The following TRPM3 variants were observed in gnomAD, a reference collection of about 807,000 sequenced individuals.
TRPM3 encodes transient receptor potential cation channel subfamily M member 3.
TRPM3 carries 77 observed loss-of-function variants against 181.2 expected under a neutral mutation model. The ratio of observed to expected loss-of-function variants is 0.42; its 90% CI spans 0.35 to 0.51. The LOEUF is 0.51. TRPM3 is among the 20% of genes least tolerant of loss of function. TRPM3 has a pLI of 0.01. For synonymous variants in TRPM3, 745 were observed against 796.4 expected (o/e 0.94, Z 1.09); for missense variants, 1,759 against 2,196.7 (o/e 0.80, Z 3.98).
chr9:71,223,023 C>A (rs1428399681), intron 1 of TRPM3, among the ~76,000 whole-genome samples: 1 of 151,894 alleles, frequency 6.6e-6, no homozygotes, highest in Non-Finnish European at 1.5e-5. Flanking sequence ...GGCTCAGAGC[C>A]AGTGGACTTG....
chr9:71,141,386 G>C (rs959334686), intron 1 of TRPM3, among the ~76,000 whole-genome samples: 1 of 152,206 alleles, frequency 6.6e-6, no homozygotes, highest in South Asian at 2.1e-4. Context: ...GGATTTTAGT[G>C]TTCAAAAACC....
At chr9:71,016,083 T>C (rs959690114) in intron 1 of TRPM3, among the ~76,000 whole-genome samples, 1 of 149,128 alleles carries the variant, frequency 6.7e-6, no homozygotes, top group Admixed American at 6.7e-5. Context: ...TAGTCCCAGC[T>C]ACTTGTGAGG....
intron 1 of TRPM3, among the ~76,000 whole-genome samples, chr9:70,958,469 C>T (rs1291621542): frequency 1.3e-5 from 2 of 152,022 alleles, no homozygotes; most frequent in Admixed American, 6.6e-5. Context: ...TAATGATTGC[C>T]ATTCTAACTG....
At chr9:71,051,580 G>A (rs1161305668) in intron 1 of TRPM3, among the ~76,000 whole-genome samples, 1 of 152,052 alleles carries the variant, frequency 6.6e-6, no homozygotes, top group African/African-American at 2.4e-5. Context: ...AATATGGACA[G>A]AAAGTGAAAA....
At chr9:70,599,982 A>G (rs1189069044) in intron 20 of TRPM3, among the ~76,000 whole-genome samples, 2 of 152,200 alleles carry the variant, frequency 1.3e-5, no homozygotes, top group African/African-American at 2.4e-5. Context: ...TAGAAACTCA[A>G]TACATATTTG....
At chr9:71,027,174 G>C (rs942213378) in intron 1 of TRPM3, among the ~76,000 whole-genome samples, 2 of 152,194 alleles carry the variant, frequency 1.3e-5, no homozygotes, top group African/African-American at 4.8e-5. Flanking sequence ...CAGTCCCCCA[G>C]AGTAAGAGCA....
chr9:70,974,863 A>ATTTT lies in TRPM3; in HGVS notation c.178-110356_178-110353dup, dbSNP rs1177545043. 7.6e-5 allele frequency among the ~76,000 whole-genome samples: 9 copies of ATTTT among 117,966 alleles called. 1 individual carries two copies. The highest frequency in any genetic ancestry group is 5.6e-4 in the East Asian group (2 of 3,596). 77.4% of individuals were successfully genotyped at this position (117,966 alleles called of 152,430 possible). On this transcript the variant is annotated intron_variant, in intron 1 of 25. Coordinates refer to ENST00000677713, the MANE Select transcript of TRPM3 (RefSeq NM_001366145.2). ...GTTCCACAGGAGTGATGGAACATCA[A>ATTTT]TTTTTTTTTTTTTTTTTTTTGAGGT...
chr9:70,545,548 C>CCTTTTT lies in TRPM3; in HGVS notation c.3707+3993_3707+3994insAAAAAG, dbSNP rs1554733807. ...AGAGAAAAGAATTTTAATTTTCTTT[C>CCTTTTT]TTTTTTTTTTTTTTTTGAAGTGGAG... On this transcript the variant is annotated intron_variant, in intron 25 of 25. Transcript: ENST00000677713. Among the ~76,000 whole-genome samples, 312 of 113,334 alleles carry CCTTTTT rather than the reference C, an allele frequency of 2.8e-3. 7 individuals carry two copies. The highest frequency in any genetic ancestry group is 9.6e-3 in the African/African-American group (298 of 30,942). The allele number at this position is 113,334 out of a possible 152,430, so 74.4% of individuals were successfully genotyped here.
intron 1 of TRPM3, among the ~76,000 whole-genome samples, chr9:71,264,342 A>G (rs942161340): frequency 1.3e-5 from 2 of 152,182 alleles, no homozygotes; most frequent in African/African-American, 2.4e-5. Flanking sequence ...TCCCATCTGT[A>G]CTATCTGATG....
chr9:70,800,851 A>T (rs1778210553), intron 6 of TRPM3, among the ~76,000 whole-genome samples: 1 of 152,196 alleles, frequency 6.6e-6, no homozygotes. Flanking sequence ...ATTTTTGACT[A>T]ACCCTCTAAG....
Position 71,446,758 on chromosome 9 carries a change from T to C in TRPM3, c.78A>G (p.Arg26=), listed in dbSNP as rs2131708417. Residue 26 remains arginine (R), a synonymous_variant, in exon 1 of 25, where the codon AGA becomes AGG. Coordinates refer to the TRPM3 transcript ENST00000357533. ...TGCCCCGGCTGGCGCTCCGGCTGCG[T>C]CTGCGGCTCTCCGCGTTGTCCTCGC... is the stretch of plus-strand genomic sequence containing the variant. The C allele has an allele frequency of 2.6e-6, 4 of 1,550,546 alleles. No homozygotes were observed. In the South Asian group the frequency reaches 4.8e-5, roughly 18 times the overall value.
At chr9:70,677,304 G>C (rs1408448773) in intron 9 of TRPM3, among the ~76,000 whole-genome samples, 3 of 152,194 alleles carry the variant, frequency 2.0e-5, no homozygotes, top group Non-Finnish European at 2.9e-5. Context: ...ATATAATTAA[G>C]AGTTGGTATA....
intron 24 of TRPM3, among the ~76,000 whole-genome samples, chr9:70,551,083 T>C (rs758147276): frequency 3.9e-5 from 6 of 152,256 alleles, no homozygotes; most frequent in Non-Finnish European, 8.8e-5. Flanking sequence ...TTTAACTTCT[T>C]TGGCTATATG....
At chr9:71,224,299 G>C (rs772655087) in intron 1 of TRPM3, among the ~76,000 whole-genome samples, 18 of 152,246 alleles carry the variant, frequency 1.2e-4, no homozygotes, top group Non-Finnish European at 2.4e-4. Context: ...CATCAAGACA[G>C]TATCTCTACA....
chr9:71,210,799 A>C (rs937774288), intron 1 of TRPM3, among the ~76,000 whole-genome samples: 2 of 152,210 alleles, frequency 1.3e-5, no homozygotes, highest in Non-Finnish European at 2.9e-5. Flanking sequence ...GAAAAGGGAA[A>C]GTCTAAGGTC....
intron 1 of TRPM3, among the ~76,000 whole-genome samples, chr9:71,445,612 A>C (rs2094193370): frequency 6.6e-6 from 1 of 152,240 alleles, no homozygotes; most frequent in African/African-American, 2.4e-5. Context: ...TAAACATCTT[A>C]CTTTTCAGGG....
chr9:71,304,948 T>C (rs777049119), intron 1 of TRPM3, among the ~76,000 whole-genome samples: 20 of 152,170 alleles, frequency 1.3e-4, no homozygotes, highest in Non-Finnish European at 2.8e-4. Context: ...TAGTTCCCAC[T>C]AGTTGAACAT....
intron 9 of TRPM3, among the ~76,000 whole-genome samples, chr9:70,680,779 C>T (rs1156630621): frequency 6.6e-6 from 1 of 152,150 alleles, no homozygotes; most frequent in Non-Finnish European, 1.5e-5. Context: ...TTTAACACTG[C>T]AAATTAGTAG....
At chr9:70,855,496 A>G (rs1237621749) in intron 3 of TRPM3, among the ~76,000 whole-genome samples, 1 of 152,222 alleles carries the variant, frequency 6.6e-6, no homozygotes, top group Non-Finnish European at 1.5e-5. Flanking sequence ...GAAATATTAA[A>G]TGACAGGTCC....
Sources: allele counts gnomAD v4.1 joint callset (sites outside exome capture counted in the v4.1 genomes callset), GRCh38; gene constraint gnomAD v4.1.1; transcripts MANE v1.5; gene names NCBI Gene and HGNC (gene_info 2026-07-23, HGNC 2026-07-21).